Variants in RIT2 observed in about 807,000 individuals in gnomAD.
The protein encoded by RIT2 is Ras like without CAAX 2, also known as GTP-binding protein Rit2.
RIT2 carries 24 observed loss-of-function variants against 23.7 expected under a neutral mutation model. That is an observed-to-expected ratio of 1.01 (90% confidence interval 0.73 to 1.43). RIT2 has a LOEUF of 1.43. Ranked by LOEUF, RIT2 falls within the 40% of genes most tolerant of loss-of-function variation. The pLI, the probability that RIT2 is intolerant of heterozygous loss-of-function variation, is 0.00. For missense variants in RIT2, 236 were observed against 266.9 expected, an observed-to-expected ratio of 0.88 and a Z score of 0.81; for synonymous variants, 107 against 91.1, an observed-to-expected ratio of 1.17 and a Z score of -0.99.
intron 4 of RIT2, among the ~76,000 whole-genome samples, chr18:42,859,590 T>C (rs1907273952): frequency 1.3e-5 from 2 of 152,196 alleles, no homozygotes; most frequent in Non-Finnish European, 1.5e-5. Context: ...GTTTTTTTCT[T>C]TGTTGCTTGT....
intron 4 of RIT2, among the ~76,000 whole-genome samples, chr18:42,844,911 A>C (rs1479463059): frequency 6.6e-6 from 1 of 152,164 alleles, no homozygotes; most frequent in Non-Finnish European, 1.5e-5. Flanking sequence ...GTATTCAAGA[A>C]ATATGTGATT....
chr18:42,802,073 A>T (rs1905554549), intron 4 of RIT2, among the ~76,000 whole-genome samples: 1 of 152,218 alleles, frequency 6.6e-6, no homozygotes, highest in Non-Finnish European at 1.5e-5. Context: ...AATGCAAGAA[A>T]CACAAATCAT....
At chr18:42,880,052 G>T (rs1907846246) in intron 4 of RIT2, among the ~76,000 whole-genome samples, 1 of 152,116 alleles carries the variant, frequency 6.6e-6, no homozygotes, top group Non-Finnish European at 1.5e-5. Flanking sequence ...TTGAGTTTAG[G>T]TCCATTTCCC....
At chr18:43,101,785 AT>A (rs1913690419) in intron 1 of RIT2, among the ~76,000 whole-genome samples, 1 of 152,174 alleles carries the variant, frequency 6.6e-6, no homozygotes, top group Non-Finnish European at 1.5e-5. Flanking sequence ...TGGAAGGCAA[AT>A]TTTTTTAAGG....
intron 4 of RIT2, among the ~76,000 whole-genome samples, chr18:42,826,708 C>T (rs1906307031): frequency 6.6e-6 from 1 of 152,046 alleles, no homozygotes; most frequent in African/African-American, 2.4e-5. Context: ...TTGATATCTA[C>T]ATGGACTATT....
In RIT2 at chr18:43,102,623, G is replaced by GT. The variant is rs530345019; in HGVS notation, c.103+12793dup. 5.2e-3 allele frequency among the ~76,000 whole-genome samples: 790 copies of GT among 151,090 alleles called. 5 individuals are homozygous for GT. The highest frequency in any genetic ancestry group is 0.017 in the African/African-American group (722 of 41,266). On this transcript the variant is annotated intron_variant, in intron 1 of 4. Transcript: ENST00000326695. The stretch of plus-strand genomic sequence containing the variant: ...GATTCTGTCTGCTGGTGCATGCTCA[G>GT]TTTTTTTTAATTCAGCATTTATTTA...
chr18:43,021,744 C>A (rs933741834), intron 2 of RIT2, among the ~76,000 whole-genome samples: 1 of 152,054 alleles, frequency 6.6e-6, no homozygotes, highest in African/African-American at 2.4e-5. Flanking sequence ...CCTGAGGCCT[C>A]CCCAAAAGCA....
chr18:42,746,700 A>G (rs191993341), intron 4 of RIT2, among the ~76,000 whole-genome samples: 56 of 152,200 alleles, frequency 3.7e-4, no homozygotes, highest in African/African-American at 1.3e-3. Flanking sequence ...TACACAAGAG[A>G]CAGAAAGAGG....
At chr18:42,906,748 T>C (rs757204385) in intron 4 of RIT2, among the ~76,000 whole-genome samples, 10 of 152,214 alleles carry the variant, frequency 6.6e-5, no homozygotes, top group African/African-American at 9.6e-5. Flanking sequence ...AAAACCTGTC[T>C]TGTCTGCCCC....
chr18:42,873,639 G>A (rs1426698029), intron 4 of RIT2, among the ~76,000 whole-genome samples: 1 of 151,970 alleles, frequency 6.6e-6, no homozygotes, highest in Admixed American at 6.6e-5. Context: ...AAAAAAAGAT[G>A]AGAATACATT....
intron 4 of RIT2, among the ~76,000 whole-genome samples, chr18:42,799,656 G>A (rs1298903658): frequency 6.6e-6 from 1 of 152,162 alleles, no homozygotes; most frequent in Non-Finnish European, 1.5e-5. Context: ...ATCTCACAGA[G>A]CTGAGCATGA....
At chr18:43,030,038 T>A (rs1177085328) in intron 2 of RIT2, among the ~76,000 whole-genome samples, 1 of 152,064 alleles carries the variant, frequency 6.6e-6, no homozygotes, top group East Asian at 1.9e-4. Flanking sequence ...TTAATGAATA[T>A]TTTATATCAT....
intron 1 of RIT2, among the ~76,000 whole-genome samples, chr18:43,057,284 T>C (rs761671691): frequency 1.3e-5 from 2 of 152,148 alleles, no homozygotes; most frequent in Non-Finnish European, 2.9e-5. Flanking sequence ...ATCTTACTTA[T>C]TGTTTGAGTT....
intron 1 of RIT2, among the ~76,000 whole-genome samples, chr18:43,109,427 A>G (rs933186917): frequency 6.6e-6 from 1 of 152,176 alleles, no homozygotes; most frequent in Non-Finnish European, 1.5e-5. Flanking sequence ...CTAAATTATC[A>G]AGATGCTGCC....
chr18:43,001,097 A>G (rs1441957280), intron 2 of RIT2, among the ~76,000 whole-genome samples: 2 of 151,878 alleles, frequency 1.3e-5, no homozygotes, highest in Admixed American at 6.6e-5. Flanking sequence ...CATTCATTCA[A>G]TGAACTATTT....
intron 3 of RIT2, among the ~76,000 whole-genome samples, chr18:42,934,510 T>C (rs533920432): frequency 6.6e-6 from 1 of 152,270 alleles, no homozygotes; most frequent in East Asian, 1.9e-4. Context: ...CTGGTTTCTA[T>C]TATGGTATTG....
chr18:43,031,839 A>G (rs989003986), intron 2 of RIT2, among the ~76,000 whole-genome samples: 1 of 152,126 alleles, frequency 6.6e-6, no homozygotes, highest in Non-Finnish European at 1.5e-5. Flanking sequence ...TGAAAAAAGT[A>G]TCCTTGATAG....
intron 3 of RIT2, among the ~76,000 whole-genome samples, chr18:42,924,733 T>A (rs530911306): frequency 1.7e-4 from 26 of 152,146 alleles, no homozygotes; most frequent in Admixed American, 3.9e-4. Flanking sequence ...TTGAAGAATT[T>A]GAGAAAATGG....
intron 4 of RIT2, among the ~76,000 whole-genome samples, chr18:42,813,164 T>C (rs1296533964): frequency 6.6e-6 from 1 of 152,184 alleles, no homozygotes; most frequent in Non-Finnish European, 1.5e-5. Flanking sequence ...TAAGAATAAA[T>C]AGAGAGTTTT....
Sources: gnomAD v4.1 joint callset for allele counts (sites outside exome capture counted in the v4.1 genomes callset) on GRCh38, gnomAD v4.1.1 for gene constraint, MANE v1.5 for transcripts, NCBI Gene and HGNC (gene_info 2026-07-23, HGNC 2026-07-21) for gene names.